Variants in SMURF1 observed in about 807,000 individuals in gnomAD.
The protein encoded by SMURF1 is E3 ubiquitin-protein ligase SMURF1.
Under a neutral mutation model 98.0 loss-of-function variants are expected in SMURF1, and 44 were observed. That is an observed-to-expected ratio of 0.45 (90% CI 0.35 to 0.58). SMURF1 has a LOEUF of 0.58. Ranked by LOEUF, SMURF1 falls within the 20% of genes least tolerant of loss-of-function variation. The pLI, the probability that SMURF1 is intolerant of heterozygous loss-of-function variation, is 0.00. For missense variants in SMURF1, 687 were observed against 938.4 expected, an observed-to-expected ratio of 0.73 and a Z score of 3.50; for synonymous variants, 396 against 374.9, an observed-to-expected ratio of 1.06 and a Z score of -0.65.
intron 1 of SMURF1, among the ~76,000 whole-genome samples, chr7:99,076,992 A>AT (rs1170436171): frequency 4.0e-5 from 6 of 151,186 alleles, no homozygotes; most frequent in South Asian, 2.1e-4. Flanking sequence ...AATGTCTATA[A>AT]TAAAAAAAAA....
chr7:99,131,188 C>T (rs1190332651), intron 1 of SMURF1, among the ~76,000 whole-genome samples: 1 of 152,030 alleles, frequency 6.6e-6, no homozygotes, highest in Non-Finnish European at 1.5e-5. Context: ...GCTAATTTAA[C>T]CTAGGTTTTC....
intron 8 of SMURF1, chr7:99,049,929 C>T (rs1413369073): frequency 6.7e-6 from 3 of 447,944 alleles, no homozygotes; most frequent in Admixed American, 4.0e-5. Flanking sequence ...ACCAAACTTT[C>T]AGGCTGGGCG....
At chr7:99,046,357 G>A (rs1157661177) in intron 10 of SMURF1, among the ~76,000 whole-genome samples, 3 of 152,160 alleles carry the variant, frequency 2.0e-5, no homozygotes, top group South Asian at 2.1e-4. Flanking sequence ...AGCAGAAGCC[G>A]CTACGTGTTT....
At chr7:99,045,844 T>G in intron 10 of SMURF1, 43 bp from the exon 11 acceptor site, 13 of 1,483,000 alleles carry the variant, frequency 8.8e-6, no homozygotes, top group Non-Finnish European at 1.2e-5. Flanking sequence ...AACATTCTTA[T>G]TCTTAAAGTT....
chr7:99,116,123 T>C (rs1797443482), intron 1 of SMURF1, among the ~76,000 whole-genome samples: 1 of 152,184 alleles, frequency 6.6e-6, no homozygotes, highest in African/African-American at 2.4e-5. Context: ...ATGCAAGGGT[T>C]CAACATACAA....
intron 1 of SMURF1, among the ~76,000 whole-genome samples, chr7:99,118,484 A>G (rs970782226): frequency 5.9e-5 from 9 of 152,248 alleles, no homozygotes; most frequent in Non-Finnish European, 8.8e-5. Flanking sequence ...GTATTGATAC[A>G]AGTTACGACA....
intron 13 of SMURF1, among the ~76,000 whole-genome samples, chr7:99,039,547 C>G (rs1017557228): frequency 6.6e-6 from 1 of 152,102 alleles, no homozygotes; most frequent in African/African-American, 2.4e-5. Context: ...CGGGATTTCA[C>G]CATGTTGGCC....
intron 1 of SMURF1, among the ~76,000 whole-genome samples, chr7:99,067,235 G>A (rs1378869328): frequency 6.6e-6 from 1 of 150,946 alleles, no homozygotes. Flanking sequence ...TGACCTCATG[G>A]TCCACCCGCC....
intron 1 of SMURF1, among the ~76,000 whole-genome samples, chr7:99,102,906 C>T (rs769434183): frequency 1.6e-4 from 24 of 152,000 alleles, no homozygotes; most frequent in African/African-American, 5.6e-4. Context: ...AGGGCTCAAG[C>T]GATCCTCCCA....
intron 1 of SMURF1, among the ~76,000 whole-genome samples, chr7:99,105,481 G>A (rs1797175506): frequency 6.6e-6 from 1 of 152,186 alleles, no homozygotes; most frequent in Admixed American, 6.5e-5. Flanking sequence ...GCCAGGTACT[G>A]TTGTAAACCC....
Position 99,127,501 on chromosome 7 carries a change from G to A in SMURF1, c.55+16225C>T, listed in dbSNP as rs529314211. ...GAGGCCAGGAGTTCAAAACCAGCCT[G>A]GTCAACATAGCAAGACCCCATCTCT... On this transcript the variant is annotated intron_variant, in intron 1 of 17. Transcript: ENST00000361368. Among the ~76,000 whole-genome samples the A allele has an allele frequency of 2.6e-5, 4 of 151,920 alleles. No individual in the cohort carries two copies. In the East Asian group the frequency reaches 7.7e-4, roughly 29 times the overall value.
At chr7:99,033,188 C>G in intron 16 of SMURF1, 67 bp from the exon 17 acceptor site, 1 of 1,482,356 alleles carries the variant, frequency 6.7e-7, no homozygotes, top group Non-Finnish European at 9.2e-7. Flanking sequence ...GGCCACACAG[C>G]CCCCAGGAGC....
chr7:99,041,858 C>A (rs1427667167), intron 12 of SMURF1, among the ~76,000 whole-genome samples: 1 of 152,224 alleles, frequency 6.6e-6, no homozygotes, highest in Non-Finnish European at 1.5e-5. Context: ...CTCAAATGAT[C>A]ACAAAGTGTG....
chr7:99,060,465 A>C, intron 3 of SMURF1, 134 bp downstream of exon 3: 1 of 535,330 alleles, frequency 1.9e-6, no homozygotes. Flanking sequence ...CAATGTAGAC[A>C]TTCATTTGGC....
At chr7:99,108,611 C>CAAAAAAAA (rs11458541) in intron 1 of SMURF1, among the ~76,000 whole-genome samples, 13 of 58,532 alleles carry the variant, frequency 2.2e-4, no homozygotes, top group African/African-American at 6.2e-4. Context: ...AACTCTGTCT[C>CAAAAAAAA]AAAAAAAAAA....
intron 1 of SMURF1, among the ~76,000 whole-genome samples, chr7:99,088,616 G>A (rs1468534347): frequency 6.6e-6 from 1 of 152,180 alleles, no homozygotes; most frequent in East Asian, 1.9e-4. Context: ...AGAATCAAAT[G>A]TCAAAATGGG....
intron 13 of SMURF1, among the ~76,000 whole-genome samples, chr7:99,039,491 ATG>A (rs1933549261): frequency 6.6e-6 from 1 of 152,050 alleles, no homozygotes; most frequent in South Asian, 2.1e-4. Context: ...GATTACAGGC[ATG>A]TGCCACACCT....
intron 1 of SMURF1, among the ~76,000 whole-genome samples, chr7:99,090,960 G>A (rs1416440912): frequency 6.6e-6 from 1 of 152,188 alleles, no homozygotes; most frequent in Non-Finnish European, 1.5e-5. Flanking sequence ...GCTACTGCCT[G>A]TGTTTGTAAA....
chr7:99,080,330 G>A (rs768534654), intron 1 of SMURF1, among the ~76,000 whole-genome samples: 6 of 152,260 alleles, frequency 3.9e-5, no homozygotes, highest in Admixed American at 6.5e-5. Flanking sequence ...ACGGAGTTTC[G>A]CTCTTGTTGC....
Sources: allele counts gnomAD v4.1 joint callset (sites outside exome capture counted in the v4.1 genomes callset), GRCh38; gene constraint gnomAD v4.1.1; transcripts MANE v1.5; gene names NCBI Gene and HGNC (gene_info 2026-07-23, HGNC 2026-07-21).